ZEB1: variants seen among roughly 807,000 people sequenced by gnomAD.
ZEB1 encodes zinc finger E-box-binding homeobox 1.
Under a neutral mutation model 84.9 loss-of-function variants are expected in ZEB1, and 21 were observed. That is an observed-to-expected ratio of 0.25 (90% confidence interval 0.18 to 0.36). The LOEUF is 0.36. ZEB1 is among the 10% of genes least tolerant of loss of function. The pLI is 1.00. For synonymous variants in ZEB1, 420 were observed against 471.1 expected (o/e 0.89, Z 1.41); for missense variants, 1,104 against 1,330.2 (o/e 0.83, Z 2.65).
intron 2 of ZEB1, among the ~76,000 whole-genome samples, chr10:31,482,105 G>T (rs2065119562): frequency 6.6e-6 from 1 of 151,994 alleles, no homozygotes; most frequent in Non-Finnish European, 1.5e-5. Flanking sequence ...AAACCTGGCA[G>T]GCACCACCTT....
chr10:31,484,967 A>C (rs2065532694), intron 2 of ZEB1, among the ~76,000 whole-genome samples: 1 of 151,778 alleles, frequency 6.6e-6, no homozygotes, highest in African/African-American at 2.4e-5. Context: ...TCTCTCCCCC[A>C]ACCTTTGTTC....
chr10:31,509,901 G>T (rs975588151), intron 4 of ZEB1, among the ~76,000 whole-genome samples: 2 of 152,108 alleles, frequency 1.3e-5, no homozygotes, highest in Non-Finnish European at 2.9e-5. Flanking sequence ...TAAAAATAAA[G>T]TTCATTCAGT....
chr10:31,357,179 T>G (rs1228119760), intron 1 of ZEB1, among the ~76,000 whole-genome samples: 1 of 152,194 alleles, frequency 6.6e-6, no homozygotes, highest in Non-Finnish European at 1.5e-5. Context: ...AAACTAGTTA[T>G]CTAGGTTATA....
chr10:31,479,927 G>A (rs1229920157), intron 2 of ZEB1, among the ~76,000 whole-genome samples: 2 of 151,990 alleles, frequency 1.3e-5, no homozygotes, highest in Admixed American at 1.3e-4. Context: ...AGTTGGCAAT[G>A]TTCCAACATG....
At chr10:31,475,911 A>G (rs913304488) in intron 2 of ZEB1, among the ~76,000 whole-genome samples, 9 of 152,126 alleles carry the variant, frequency 5.9e-5, no homozygotes, top group African/African-American at 2.2e-4. Context: ...TAACAAAACT[A>G]TGATGGGAAA....
rs867767504 is a variant in ZEB1, at chr10:31,471,588, T to G, written c.259+10351T>G. ...AGTCCTGAGTGACCTACAAAGAGAC[T>G]TAGACTCCCACACATTAATAATGGG... On this transcript the variant is annotated intron_variant, in intron 2 of 8. Transcript: ENST00000424869. Among the ~76,000 whole-genome samples, 53 of 141,250 alleles carry G rather than the reference T, an allele frequency of 3.8e-4. 1 individual carries two copies. In the South Asian group the frequency reaches 0.013, roughly 34 times the overall value. The allele number at this position is 141,250 out of a possible 152,430, so 92.7% of individuals were successfully genotyped here. A position where few individuals can be genotyped will look rare whatever the true frequency, so the allele number is the denominator to read the frequency against.
intron 2 of ZEB1, among the ~76,000 whole-genome samples, chr10:31,469,205 A>G (rs1418873638): frequency 6.6e-6 from 1 of 152,132 alleles, no homozygotes; most frequent in Non-Finnish European, 1.5e-5. Context: ...AAATTAACCC[A>G]ATCAGAAAAT....
rs138587018 is a variant in ZEB1, at chr10:31,360,207, A to C, written c.58+40915A>C. Among the ~76,000 whole-genome samples the C allele has an allele frequency of 3.6e-4, 55 of 152,238 alleles. 1 individual carries two copies. In the Middle Eastern group the frequency reaches 0.017, roughly 47 times the overall value. On this transcript the variant is annotated intron_variant, in intron 1 of 8. Coordinates refer to ENST00000424869, the MANE Select transcript of ZEB1 (RefSeq NM_001174096.2). The stretch of plus-strand genomic sequence containing the variant: ...TTTATGCCATAGTCTCTTTTTTAAC[A>C]TGGTACTTGGCAGTGTTCCAGGTAG...
intron 1 of ZEB1, chr10:31,387,020 T>C (rs2048755920): frequency 1.2e-6 from 1 of 859,886 alleles, no homozygotes; most frequent in African/African-American, 1.8e-5. Flanking sequence ...CTCATGATTT[T>C]ATCTAATTTC....
chr10:31,394,987 G>A (rs1232802994), intron 1 of ZEB1, among the ~76,000 whole-genome samples: 1 of 152,114 alleles, frequency 6.6e-6, no homozygotes, highest in Non-Finnish European at 1.5e-5. Flanking sequence ...ACTTGGGCAG[G>A]GGTTAATGGC....
intron 1 of ZEB1, among the ~76,000 whole-genome samples, chr10:31,361,536 G>T (rs1367553197): frequency 6.6e-6 from 1 of 152,240 alleles, no homozygotes; most frequent in African/African-American, 2.4e-5. Flanking sequence ...GCCAGGCAGA[G>T]ACCCTCCTCA....
chr10:31,322,327 C>T (rs7894459), intron 1 of ZEB1, among the ~76,000 whole-genome samples: 43,220 of 152,174 alleles, frequency 0.28, 14,219 homozygotes, highest in African/African-American at 0.8. Flanking sequence ...CCTGGCAAAA[C>T]GTTAACTCTC....
At chr10:31,412,279 A>G (rs1479288464) in intron 1 of ZEB1, among the ~76,000 whole-genome samples, 1 of 152,140 alleles carries the variant, frequency 6.6e-6, no homozygotes, top group African/African-American at 2.4e-5. Flanking sequence ...TTATTATTAT[A>G]CTTTAAGTTC....
At chr10:31,363,874 C>G (rs1014957524) in intron 1 of ZEB1, 1 of 1,309,032 alleles carries the variant, frequency 7.6e-7, no homozygotes, top group Non-Finnish European at 1.0e-6. Flanking sequence ...ATGTCGCTGA[C>G]GGTTGAAGAG....
intron 1 of ZEB1, among the ~76,000 whole-genome samples, chr10:31,367,653 G>T (rs80247754): frequency 0.015 from 2,303 of 152,224 alleles, 43 homozygotes; most frequent in African/African-American, 0.052. Flanking sequence ...AAAGGATGAG[G>T]CATATTTTTT....
rs567668376 is a variant in ZEB1 at position 31,369,278 on chromosome 10, C to T, written c.58+49986C>T. ...TACTTAAAACGTTATTATTGACTCT[C>T]GTCAACTTGCTACGGAATAGATCTC... On this transcript the variant is annotated intron_variant, in intron 1 of 8. Transcript: ENST00000424869. 5.3e-5 allele frequency among the ~76,000 whole-genome samples: 8 copies of T among 152,230 alleles called. No homozygotes were observed. In the East Asian group the frequency reaches 9.6e-4, roughly 18 times the overall value.
intron 1 of ZEB1, among the ~76,000 whole-genome samples, chr10:31,393,972 A>G (rs1342899640): frequency 6.6e-6 from 1 of 152,212 alleles, no homozygotes; most frequent in African/African-American, 2.4e-5. Flanking sequence ...AAATATATTC[A>G]GTCATCAAAT....
chr10:31,322,479 A>G (rs1317036891), intron 1 of ZEB1, among the ~76,000 whole-genome samples: 1 of 152,228 alleles, frequency 6.6e-6, no homozygotes, highest in Admixed American at 6.5e-5. Context: ...TCTGTAAAAT[A>G]TTTTAATTTC....
At position 31,381,407 on chromosome 10, in the gene ZEB1, A is replaced by T. The variant is rs185107658; in HGVS notation, c.58+62115A>T. On this transcript the variant is annotated intron_variant, in intron 1 of 8. Transcript: ENST00000424869. ...TAGCAATACATTTGAGAGAGATGTTAGATCTTTGGAAAATAAATTAACATC... is the reference window on the plus strand; with the variant it reads ...TAGCAATACATTTGAGAGAGATGTTTGATCTTTGGAAAATAAATTAACATC... Among the ~76,000 whole-genome samples the T allele has an allele frequency of 2.0e-5, 3 of 152,346 alleles. No individual in the cohort carries two copies. The East Asian group carries it at 5.8e-4, about 29-fold the overall frequency.
Sources: gnomAD v4.1 joint callset for allele counts (sites outside exome capture counted in the v4.1 genomes callset) on GRCh38, gnomAD v4.1.1 for gene constraint, MANE v1.5 for transcripts, NCBI Gene and HGNC (gene_info 2026-07-23, HGNC 2026-07-21) for gene names.